The following GPC5 variants were observed in gnomAD, a reference collection of about 807,000 sequenced individuals.
The protein encoded by GPC5 is glypican-5.
Under a neutral mutation model 53.9 loss-of-function variants are expected in GPC5, and 47 were observed. The ratio of observed to expected loss-of-function variants is 0.87; its 90% CI spans 0.69 to 1.11. GPC5 has a LOEUF of 1.11. Among genes scored for constraint, GPC5 ranks in the 50% most tolerant of loss-of-function variants. The pLI, the probability that GPC5 is intolerant of heterozygous loss-of-function variation, is 0.00. For missense variants in GPC5, 748 were observed against 713.1 expected (o/e 1.05, Z -0.56); for synonymous variants, 286 against 263.3 (o/e 1.09, Z -0.84).
intron 7 of GPC5, chr13:92,490,248 A>G (rs1879711800): frequency 6.5e-6 from 1 of 154,314 alleles, no homozygotes; most frequent in Non-Finnish European, 1.5e-5. Flanking sequence ...CAATCTCATT[A>G]TCGTCTAGAT....
chr13:92,427,912 T>A (rs1013060638), intron 7 of GPC5, among the ~76,000 whole-genome samples: 4 of 152,156 alleles, frequency 2.6e-5, no homozygotes, highest in African/African-American at 9.7e-5. Flanking sequence ...TGTATTGTTT[T>A]AGCAAAACAT....
At chr13:92,530,136 A>G (rs569535468) in intron 7 of GPC5, among the ~76,000 whole-genome samples, 1 of 152,298 alleles carries the variant, frequency 6.6e-6, no homozygotes, top group African/African-American at 2.4e-5. Context: ...GCATTGTCCT[A>G]AGCATCGTAT....
intron 1 of GPC5, among the ~76,000 whole-genome samples, chr13:91,407,921 A>G (rs1050084916): frequency 2.0e-5 from 3 of 152,230 alleles, no homozygotes; most frequent in Middle Eastern, 3.2e-3. Flanking sequence ...AATTTATTTT[A>G]AATCGACAGA....
intron 2 of GPC5, among the ~76,000 whole-genome samples, chr13:91,573,855 C>T (rs1363512120): frequency 6.6e-6 from 1 of 152,050 alleles, no homozygotes; most frequent in African/African-American, 2.4e-5. Context: ...GAAAATTTAT[C>T]CCTCTTCAAA....
chr13:92,098,387 T>C (rs2041438215), intron 6 of GPC5, among the ~76,000 whole-genome samples: 1 of 152,214 alleles, frequency 6.6e-6, no homozygotes, highest in Non-Finnish European at 1.5e-5. Context: ...ATATCTATAA[T>C]TATTATCTCA....
chr13:92,794,232 C>G (rs914605773), intron 7 of GPC5, among the ~76,000 whole-genome samples: 4 of 151,978 alleles, frequency 2.6e-5, no homozygotes, highest in South Asian at 2.1e-4. Context: ...GTTCGACATA[C>G]GTGAATCAAT....
chr13:91,435,359 C>A (rs577047138), intron 1 of GPC5, among the ~76,000 whole-genome samples: 52 of 152,238 alleles, frequency 3.4e-4, no homozygotes, highest in Non-Finnish European at 3.4e-4. Context: ...AGATTTGTCC[C>A]ATCAATACCT....
intron 5 of GPC5, among the ~76,000 whole-genome samples, chr13:91,772,184 G>A (rs1323121227): frequency 1.3e-5 from 2 of 152,128 alleles, no homozygotes; most frequent in Non-Finnish European, 2.9e-5. Flanking sequence ...TTATTTTATT[G>A]TAGTTCCTGT....
chr13:91,921,021 C>A (rs1002350920), intron 6 of GPC5, among the ~76,000 whole-genome samples: 3 of 137,184 alleles, frequency 2.2e-5, no homozygotes, highest in African/African-American at 8.2e-5. Context: ...CTCTGCAACT[C>A]TGTCTCCTGC....
chr13:92,430,831 G>C (rs1473429015), intron 7 of GPC5, among the ~76,000 whole-genome samples: 1 of 152,054 alleles, frequency 6.6e-6, no homozygotes, highest in Non-Finnish European at 1.5e-5. Context: ...ACCTCATTAA[G>C]CTTGCAAAGA....
intron 7 of GPC5, among the ~76,000 whole-genome samples, chr13:92,480,294 T>C (rs955323726): frequency 6.6e-6 from 1 of 152,126 alleles, no homozygotes; most frequent in Non-Finnish European, 1.5e-5. Context: ...ATGTGAACAT[T>C]GCCTTGTTTA....
chr13:91,714,491 C>T (rs1341051551), intron 3 of GPC5, among the ~76,000 whole-genome samples: 1 of 152,106 alleles, frequency 6.6e-6, no homozygotes, highest in Admixed American at 6.5e-5. Flanking sequence ...CAAATCGAAG[C>T]ACATATAATG....
intron 6 of GPC5, among the ~76,000 whole-genome samples, chr13:91,934,621 C>T (rs965854110): frequency 6.6e-6 from 1 of 151,876 alleles, no homozygotes; most frequent in East Asian, 1.9e-4. Flanking sequence ...TACACTGACT[C>T]CTGGACAAAC....
At chr13:91,860,135 A>T (rs2039010261) in intron 5 of GPC5, among the ~76,000 whole-genome samples, 2 of 152,228 alleles carry the variant, frequency 1.3e-5, no homozygotes, top group South Asian at 2.1e-4. Flanking sequence ...CCATTGTCAT[A>T]CCATAGTAGT....
intron 2 of GPC5, among the ~76,000 whole-genome samples, chr13:91,451,136 G>A (rs971398174): frequency 6.6e-6 from 1 of 152,086 alleles, no homozygotes; most frequent in Non-Finnish European, 1.5e-5. Context: ...TTTGGGAAAC[G>A]TCTACTTGAG....
intron 6 of GPC5, among the ~76,000 whole-genome samples, chr13:91,962,999 A>G (rs939818101): frequency 7.2e-5 from 11 of 152,132 alleles, no homozygotes; most frequent in African/African-American, 2.7e-4. Flanking sequence ...TCTGGGTGGA[A>G]GTATAGAATA....
intron 7 of GPC5, among the ~76,000 whole-genome samples, chr13:92,557,478 T>A (rs1882536474): frequency 6.6e-6 from 1 of 151,936 alleles, no homozygotes. Context: ...AAATAAAACA[T>A]AAACACCTTG....
In GPC5 at chr13:92,730,236, A is replaced by G. The variant is rs973948707; in HGVS notation, c.1562-136046A>G. Among the ~76,000 whole-genome samples the G allele has an allele frequency of 2.6e-5, 4 of 151,412 alleles. No individual in the cohort carries two copies. In the East Asian group the frequency reaches 7.8e-4, roughly 29 times the overall value. On this transcript the variant is annotated intron_variant, in intron 7 of 7. Coordinates refer to ENST00000377067, the MANE Select transcript of GPC5 (RefSeq NM_004466.6). ...AGCAGTTTTAAGTTTAGAGAGAAAA[A>G]TAAGTGAAAAGTACAGAATGTTTCT...
At chr13:92,113,177 A>G (rs780996340) in intron 6 of GPC5, among the ~76,000 whole-genome samples, 3 of 152,238 alleles carry the variant, frequency 2.0e-5, no homozygotes, top group Non-Finnish European at 2.9e-5. Flanking sequence ...GATACATGAA[A>G]GAAAAGAATT....
Sources: gnomAD v4.1 joint callset for allele counts (sites outside exome capture counted in the v4.1 genomes callset) on GRCh38, gnomAD v4.1.1 for gene constraint, MANE v1.5 for transcripts, NCBI Gene and HGNC (gene_info 2026-07-23, HGNC 2026-07-21) for gene names.